The following ARHGEF4 variants were observed in gnomAD, a reference collection of about 807,000 sequenced individuals.
ARHGEF4 encodes the protein Rho guanine nucleotide exchange factor 4, also known as APC-stimulated guanine nucleotide exchange factor 1.
Under a neutral mutation model 162.0 loss-of-function variants are expected in ARHGEF4, and 119 were observed. The ratio of observed to expected loss-of-function variants is 0.73; its 90% CI spans 0.63 to 0.86. ARHGEF4 has a LOEUF of 0.86. Ranked by LOEUF, ARHGEF4 falls within the 40% of genes least tolerant of loss-of-function variation. The pLI, the probability that ARHGEF4 is intolerant of heterozygous loss-of-function variation, is 0.00. For synonymous variants in ARHGEF4, 1,014 were observed against 979.9 expected (o/e 1.03, Z -0.65); for missense variants, 2,488 against 2,456.0 (o/e 1.01, Z -0.28).
intron 4 of ARHGEF4, among the ~76,000 whole-genome samples, chr2:130,949,597 G>A (rs547609277): frequency 1.4e-4 from 22 of 151,866 alleles, no homozygotes; most frequent in African/African-American, 4.6e-4. Flanking sequence ...CTCGTGATCC[G>A]CCTGTCTTGG....
intron 1 of ARHGEF4, among the ~76,000 whole-genome samples, chr2:130,856,847 G>A (rs961603131): frequency 1.3e-5 from 2 of 152,210 alleles, no homozygotes; most frequent in African/African-American, 2.4e-5. Context: ...AAGCACAGAG[G>A]TGATTGGGAA....
chr2:131,011,302 C>T lies in ARHGEF4; in HGVS notation c.3986-16643C>T, dbSNP rs569298827. On this transcript the variant is annotated intron_variant, in intron 4 of 13. Transcript: ENST00000409359. ...CCCCTTCACCCACCCTTAGATTATC[C>T]GAAGTTTCACCAGTGTTCAAGCCCA... 1.3e-4 allele frequency among the ~76,000 whole-genome samples: 20 copies of T among 152,284 alleles called. No individual in the cohort carries two copies. The South Asian group carries it at 3.3e-3, about 25-fold the overall frequency.
chr2:131,006,862 C>T (rs1263293429), intron 4 of ARHGEF4, among the ~76,000 whole-genome samples: 1 of 152,108 alleles, frequency 6.6e-6, no homozygotes, highest in Non-Finnish European at 1.5e-5. Context: ...TGGCTAAGTC[C>T]GAAGGATAAA....
At chr2:130,869,881 G>C (rs2104928658) in intron 1 of ARHGEF4, among the ~76,000 whole-genome samples, 2 of 152,346 alleles carry the variant, frequency 1.3e-5, no homozygotes, top group South Asian at 4.1e-4. Flanking sequence ...TGGGAGCAGA[G>C]CTGTTTCTTG....
chr2:130,991,828 G>A (rs1360789211), intron 4 of ARHGEF4, among the ~76,000 whole-genome samples: 5 of 152,248 alleles, frequency 3.3e-5, no homozygotes, highest in Admixed American at 6.5e-5. Flanking sequence ...TGAGGAGTGC[G>A]AGCACATGGC....
intron 1 of ARHGEF4, among the ~76,000 whole-genome samples, chr2:130,853,803 A>G (rs1681578169): frequency 6.6e-6 from 1 of 152,224 alleles, no homozygotes; most frequent in Non-Finnish European, 1.5e-5. Context: ...CCGTCATCCC[A>G]GGAATGGTGG....
intron 1 of ARHGEF4, among the ~76,000 whole-genome samples, chr2:130,849,777 C>A (rs1422895695): frequency 6.6e-6 from 1 of 152,126 alleles, no homozygotes; most frequent in Non-Finnish European, 1.5e-5. Context: ...CACGTCCAGT[C>A]TGGTCTCAAA....
At chr2:130,849,952 C>G (rs946595026) in intron 1 of ARHGEF4, among the ~76,000 whole-genome samples, 3 of 152,194 alleles carry the variant, frequency 2.0e-5, no homozygotes, top group Non-Finnish European at 4.4e-5. Context: ...AGTGATTTTT[C>G]CTTCTTCCTC....
At chr2:131,036,277 C>T (rs1200612692) in intron 5 of ARHGEF4, among the ~76,000 whole-genome samples, 2 of 152,246 alleles carry the variant, frequency 1.3e-5, no homozygotes, top group Admixed American at 1.3e-4. Context: ...GGTGACAACA[C>T]AAACAGTTCA....
intron 1 of ARHGEF4, among the ~76,000 whole-genome samples, chr2:130,894,564 G>C (rs1046641318): frequency 3.3e-5 from 5 of 152,194 alleles, no homozygotes; most frequent in African/African-American, 1.2e-4. Context: ...GGGAAGGGTG[G>C]AGAGGAGATT....
intron 1 of ARHGEF4, among the ~76,000 whole-genome samples, chr2:130,841,412 C>T (rs1680605495): frequency 6.8e-6 from 1 of 147,996 alleles, no homozygotes; most frequent in Non-Finnish European, 1.5e-5. Context: ...ATACTACACA[C>T]ATCAGATAGG....
chr2:130,979,517 C>T (rs1193228627), intron 4 of ARHGEF4, among the ~76,000 whole-genome samples: 1 of 152,100 alleles, frequency 6.6e-6, no homozygotes, highest in Non-Finnish European at 1.5e-5. Context: ...GGGCAGATCA[C>T]CTGAGGTCAG....
chr2:130,893,690 G>T (rs1679990771), intron 1 of ARHGEF4, among the ~76,000 whole-genome samples: 1 of 152,184 alleles, frequency 6.6e-6, no homozygotes, highest in Non-Finnish European at 1.5e-5. Context: ...CACAGAGCAA[G>T]AATGGAGTTG....
chr2:130,969,302 A>G (rs1037805368), intron 4 of ARHGEF4, among the ~76,000 whole-genome samples: 2 of 152,194 alleles, frequency 1.3e-5, no homozygotes, highest in Non-Finnish European at 2.9e-5. Flanking sequence ...CGTAAAGTCA[A>G]AAAATCATAT....
intron 1 of ARHGEF4, among the ~76,000 whole-genome samples, chr2:130,874,232 T>C (rs887358530): frequency 3.3e-5 from 5 of 152,224 alleles, no homozygotes; most frequent in African/African-American, 9.6e-5. Context: ...CTTTCTCCTT[T>C]TCAGTAGACA....
chr2:131,043,486 T>C lies in ARHGEF4; in HGVS notation c.5060T>C (p.Ile1687Thr). ...CTCTTGGTCAGGAGCTCAGAACTCA[T>C]CTACTCGGGGGAGCTGACTCGAGTT... is the stretch of plus-strand genomic sequence containing the variant. The part of the protein sequence containing the change: ...EDLLVRSSEL[I>T]YSGELTRVTQ... Residue 1687 changes from isoleucine to threonine, a missense_variant, in exon 11 of 14, where the codon ATC becomes ACC. Physicochemically the swap from Ile to Thr is moderately conservative, Grantham distance 89. Coordinates refer to ENST00000409359, the MANE Select transcript of ARHGEF4 (RefSeq NM_001367493.1). 1.2e-6 allele frequency: 2 copies of C among 1,614,024 alleles called. No individual in the cohort carries two copies. Among genetic ancestry groups the C allele is most frequent in the African/African-American group, 1.3e-5 (1 of 75,038 alleles).
intron 4 of ARHGEF4, among the ~76,000 whole-genome samples, chr2:130,996,264 C>A (rs1035231906): frequency 1.3e-5 from 2 of 152,172 alleles, no homozygotes; most frequent in Non-Finnish European, 2.9e-5. Context: ...GCCCTGCACA[C>A]TCGGCTTACC....
At chr2:130,942,371 G>C (rs980012647) in intron 3 of ARHGEF4, among the ~76,000 whole-genome samples, 3 of 151,350 alleles carry the variant, frequency 2.0e-5, no homozygotes, top group Non-Finnish European at 4.4e-5. Context: ...GGATGGTCTC[G>C]ATCTCCTGAC....
At chr2:131,038,693 C>A (rs1001267941) in intron 5 of ARHGEF4, among the ~76,000 whole-genome samples, 160 bp from the exon 6 acceptor site, 2 of 152,194 alleles carry the variant, frequency 1.3e-5, no homozygotes, top group African/African-American at 4.8e-5. Context: ...TAGCCCCTGC[C>A]CCAGGAAAGC....
Sources: gnomAD v4.1 joint callset for allele counts (sites outside exome capture counted in the v4.1 genomes callset) on GRCh38, gnomAD v4.1.1 for gene constraint, MANE v1.5 for transcripts, NCBI Gene and HGNC (gene_info 2026-07-23, HGNC 2026-07-21) for gene names.